TRH: variants seen among roughly 807,000 people sequenced by gnomAD.
TRH encodes TSH-releasing factor.
A neutral mutation model predicts 5.2 loss-of-function variants in TRH; 5 were observed. That is an observed-to-expected ratio of 0.95 (90% confidence interval 0.50 to 2.00). TRH has a LOEUF of 2.00. Among genes scored for constraint, TRH ranks in the 30% most tolerant of loss-of-function variants. TRH has a pLI of 0.01. For missense variants in TRH, 318 were observed against 312.8 expected (o/e 1.02, Z -0.13); for synonymous variants, 131 against 128.6 (o/e 1.02, Z -0.13).
chr3:129,976,027 G>A lies in TRH; in HGVS notation c.211G>A (p.Ala71Thr). The change falls in exon 2 of 3, where the codon GCG becomes ACG. Residue 71 changes from alanine (A) to threonine (T), a missense_variant and splice_region_variant. Physicochemically the swap from Ala to Thr is moderately conservative, Grantham distance 58 (BLOSUM62 0). Transcript: ENST00000302649. ...RLQGDQGEHSASQIFQSDWLS... is the reference protein window; with the variant it reads ...RLQGDQGEHSTSQIFQSDWLS... ...GCAAGGGGACCAGGGTGAGCACTCC[G>A]GTGAGTGGATGGGGCTGTTGGGGGC... 1 of 1,613,804 alleles carries A rather than the reference G, an allele frequency of 6.2e-7. No homozygotes were observed.
rs774840489 is a variant in TRH, at chr3:129,976,853, G to A, written c.366G>A (p.Glu122=). 2 of 1,613,634 alleles carry A rather than the reference G, an allele frequency of 1.2e-6. No homozygotes were observed. Among genetic ancestry groups the A allele is most frequent in the East Asian group, 4.5e-5 (2 of 44,844 alleles). Residue 122 remains glutamate (E), a synonymous_variant, in exon 3 of 3, where the codon GAG becomes GAA. Coordinates refer to ENST00000302649, the MANE Select transcript of TRH (RefSeq NM_007117.5). ...AGCACCCTGGCCGACGAGAAGATGA[G>A]GCTTCATGGTCAGTCGATGTAACCC... ...KRQHPGRRED[E]ASWSVDVTQH...
At position 129,977,171 on chromosome 3, in the gene TRH, C is replaced by T. The variant is rs766139181; in HGVS notation, c.684C>T (p.His228=). ...AGGGAGCTGAGGAAAAGCGGCAGCA[C>T]CCTGGTCGGCGGGCAGCCTGGGTCA... ...RSQGAEEKRQ[H]PGRRAAWVRE... Residue 228 remains histidine (H), a synonymous_variant, in exon 3 of 3, where the codon CAC becomes CAT. Transcript: ENST00000302649. The T allele has an allele frequency of 5.3e-6, 8 of 1,520,234 alleles. No individual in the cohort carries two copies. In the African/African-American group the frequency reaches 9.8e-5, roughly 19 times the overall value. 94.2% of individuals were successfully genotyped at this position (1,520,234 alleles called of 1,614,324 possible).
intron 1 of TRH, 69 bp from the exon 2 acceptor site, chr3:129,975,740 C>T (rs777612542): frequency 1.6e-5 from 23 of 1,438,894 alleles, no homozygotes; most frequent in Non-Finnish European, 2.1e-5. Flanking sequence ...TTCTGGCGGG[C>T]GTCGGGGGAG....
chr3:129,975,874 C>G lies in TRH; in HGVS notation c.58C>G (p.Pro20Ala). The G allele has an allele frequency of 2.5e-6, 4 of 1,612,828 alleles. No homozygotes were observed. Among genetic ancestry groups the G allele is most frequent in the Non-Finnish European group, 3.4e-6 (4 of 1,179,852 alleles). The change falls in exon 2 of 3, where the codon CCC (proline) becomes GCC (alanine). Residue 20 changes from proline to alanine, a missense_variant. Transcript: ENST00000302649. ...LALTLNLTGVPGGRAQPEAAQ... is the reference protein window; with the variant it reads ...LALTLNLTGVAGGRAQPEAAQ... ...TTTGACCCTGAACCTGACCGGTGTCCCCGGCGGCCGTGCTCAGCCAGAGGC... is the reference window on the plus strand; with the variant it reads ...TTTGACCCTGAACCTGACCGGTGTCGCCGGCGGCCGTGCTCAGCCAGAGGC...
At position 129,976,799 on chromosome 3, in the gene TRH, AG is replaced by A. The variant is rs770451471; in HGVS notation, c.319del (p.Ala107LeufsTer23). 1.2e-6 allele frequency: 2 copies of A among 1,613,102 alleles called. No homozygotes were observed. Among genetic ancestry groups the A allele is most frequent in the South Asian group, 1.1e-5 (1 of 90,928 alleles). On this transcript the variant is annotated frameshift_variant, in exon 3 of 3. Coordinates refer to ENST00000302649, the MANE Select transcript of TRH (RefSeq NM_007117.5). LOFTEE classifies it low-confidence loss of function (END_TRUNC). Reference sequence around the variant, plus strand: ...GAGTTGAAGAAGAGGAAGAGGAAGAAGGGGGGGCTGTGGGACCCCACAAACG... The same window carrying A: ...GAGTTGAAGAAGAGGAAGAGGAAGAAGGGGGGCTGTGGGACCCCACAAACG... ...EGVEEEEEEE[G>X]GAVGPHKRQH...
At position 129,976,007 on chromosome 3, in the gene TRH, G is replaced by A. The variant is rs1001423425; in HGVS notation, c.191G>A (p.Gly64Glu). 6.2e-7 allele frequency: 1 copy of A among 1,614,106 alleles called. No homozygotes were observed. Among genetic ancestry groups the A allele is most frequent in the African/African-American group, 1.3e-5 (1 of 75,072 alleles). ...FLRENIQRLQGDQGEHSASQI... is the reference protein window; with the variant it reads ...FLRENIQRLQEDQGEHSASQI... ...CGGGAAAACATCCAGCGGCTGCAAG[G>A]GGACCAGGGTGAGCACTCCGGTGAG... Residue 64 changes from glycine (G) to glutamate (E), a missense_variant, in exon 2 of 3, where the codon GGG (glycine) becomes GAG (glutamate). Physicochemically the swap from Gly to Glu is moderately conservative, Grantham distance 98 (BLOSUM62 -2). Coordinates refer to ENST00000302649, the MANE Select transcript of TRH (RefSeq NM_007117.5).
At chr3:129,976,481 A>G (rs1207126666) in intron 2 of TRH, among the ~76,000 whole-genome samples, 1 of 152,212 alleles carries the variant, frequency 6.6e-6, no homozygotes, top group Non-Finnish European at 1.5e-5. Flanking sequence ...TCAGACAACT[A>G]GGGAGCGCCA....
In TRH at chr3:129,977,662, CA is replaced by C. The variant is rs2062553920; in HGVS notation, c.*447del. On this transcript the variant is annotated 3_prime_UTR_variant, in exon 3 of 3. Transcript: ENST00000302649. Reference sequence around the variant, plus strand: ...CCCTCCCCAACCTGGCAGGATTCTCCATGTGTAAACTTCACCCCCAGGACCC... The same window carrying C: ...CCCTCCCCAACCTGGCAGGATTCTCCTGTGTAAACTTCACCCCCAGGACCC... The C allele has an allele frequency of 6.5e-6, 1 of 154,920 alleles. No homozygotes were observed. The highest frequency in any genetic ancestry group is 2.0e-4 in the South Asian group (1 of 4,892). 9.6% of individuals were successfully genotyped at this position (154,920 alleles called of 1,614,324 possible).
chr3:129,975,820 C>A lies in TRH; in HGVS notation c.4C>A (p.Pro2Thr). Residue 2 changes from proline to threonine, a missense_variant, in exon 2 of 3, where the codon CCC becomes ACC. Pro to Thr is a conservative substitution (Grantham distance 38). Transcript: ENST00000302649. ...GTCCCCTAACCCAGACGCCGCGATG[C>A]CCGGCCCTTGGTTGCTGCTCGCTCT... M[P>T]GPWLLLALAL... is the part of the protein sequence containing the mutation. 1.2e-6 allele frequency: 2 copies of A among 1,606,902 alleles called. No homozygotes were observed. Among genetic ancestry groups the A allele is most frequent in the Non-Finnish European group, 1.7e-6 (2 of 1,177,928 alleles).
intron 1 of TRH, 35 bp from the exon 2 acceptor site, chr3:129,975,774 C>T (rs760711756): frequency 2.6e-6 from 4 of 1,544,884 alleles, no homozygotes; most frequent in Non-Finnish European, 3.5e-6. Flanking sequence ...TGCTGTGATT[C>T]GGTGCGCTCA....
chr3:129,976,839 C>CGA lies in TRH; in HGVS notation c.353_354dup (p.Arg119AspfsTer12). 1 of 1,613,546 alleles carries CGA rather than the reference C, an allele frequency of 6.2e-7. No homozygotes were observed. The highest frequency in any genetic ancestry group is 8.5e-7 in the Non-Finnish European group (1 of 1,179,822). On this transcript the variant is annotated frameshift_variant, in exon 3 of 3. Transcript: ENST00000302649. LOFTEE classifies it low-confidence loss of function (END_TRUNC). ...ACCCCACAAACGGCAGCACCCTGGC[C>CGA]GACGAGAAGATGAGGCTTCATGGTC...
intron 2 of TRH, 36 bp downstream of exon 2, chr3:129,976,063 G>C: frequency 1.9e-6 from 3 of 1,599,990 alleles, no homozygotes; most frequent in Non-Finnish European, 2.6e-6. Context: ...TGTGGGGCTA[G>C]GCTATTGGGA....
chr3:129,976,718 T>C lies in TRH; in HGVS notation c.231T>C (p.Ser77=), dbSNP rs1577288762. The part of the protein sequence containing the change: ...GEHSASQIFQ[S]DWLSKRQHPG... Reference sequence around the variant, plus strand: ...CCCCAGCGTCCCAGATCTTTCAATCTGACTGGCTCTCCAAACGTCAGCATC... The same window carrying C: ...CCCCAGCGTCCCAGATCTTTCAATCCGACTGGCTCTCCAAACGTCAGCATC... Residue 77 remains serine, a synonymous_variant, in exon 3 of 3, where the codon TCT becomes TCC. Transcript: ENST00000302649. 1.9e-6 allele frequency: 3 copies of C among 1,613,086 alleles called. No homozygotes were observed. The East Asian group carries it at 6.7e-5, about 36-fold the overall frequency.
chr3:129,975,791 C>A lies in TRH; in HGVS notation c.-8-18C>A. 6.3e-7 allele frequency: 1 copy of A among 1,584,264 alleles called. No homozygotes were observed. The stretch of plus-strand genomic sequence containing the variant: ...CTGTGATTCGGTGCGCTCAGGCTCC[C>A]TCTGTCCCCTAACCCAGACGCCGCG... On this transcript the variant is annotated intron_variant, in intron 1 of 2. Coordinates refer to ENST00000302649, the MANE Select transcript of TRH (RefSeq NM_007117.5).
chr3:129,974,991 C>A (rs539249029), intron 1 of TRH, among the ~76,000 whole-genome samples, 168 bp downstream of exon 1: 1 of 152,108 alleles, frequency 6.6e-6, no homozygotes, highest in African/African-American at 2.4e-5. Flanking sequence ...GAGCGCAGGC[C>A]GGGGACCCGA....
Position 129,976,697 on chromosome 3 carries a change from A to T in TRH, c.212-2A>T. On this transcript the variant is annotated splice_acceptor_variant, in intron 2 of 2. Coordinates refer to ENST00000302649, the MANE Select transcript of TRH (RefSeq NM_007117.5). LOFTEE classifies it high-confidence loss of function. ...CCCTCACTGACCTCTTTCCTTCCCC[A>T]GCGTCCCAGATCTTTCAATCTGACT... 1 of 1,609,790 alleles carries T rather than the reference A, an allele frequency of 6.2e-7. No individual in the cohort carries two copies. Among genetic ancestry groups the T allele is most frequent in the Non-Finnish European group, 8.5e-7 (1 of 1,177,134 alleles).
In TRH at chr3:129,977,202, C is replaced by A. The variant is rs1464570454; in HGVS notation, c.715C>A (p.Pro239Thr). ...PGRRAAWVRE[P>T]LEE Reference sequence around the variant, plus strand: ...TCGGCGGGCAGCCTGGGTCAGAGAGCCCCTGGAGGAGTGAACCCAGTTTTC... The same window carrying A: ...TCGGCGGGCAGCCTGGGTCAGAGAGACCCTGGAGGAGTGAACCCAGTTTTC... The change falls in exon 3 of 3, where the codon CCC (proline) becomes ACC (threonine). Residue 239 changes from proline (P) to threonine (T), a missense_variant. Physicochemically the swap from Pro to Thr is conservative, Grantham distance 38. Coordinates refer to ENST00000302649, the MANE Select transcript of TRH (RefSeq NM_007117.5). 6.6e-7 allele frequency: 1 copy of A among 1,517,442 alleles called. No homozygotes were observed. The highest frequency in any genetic ancestry group is 2.3e-5 in the Admixed American group (1 of 44,014). The allele number at this position is 1,517,442 out of a possible 1,614,324, so 94.0% of individuals were successfully genotyped here.
Position 129,977,111 on chromosome 3 carries a change from T to C in TRH, c.624T>C (p.Leu208=), listed in dbSNP as rs5662. The part of the protein sequence containing the change: ...GPQGAYGQAG[L]LLGLLDDLSR... ...AGGGAGCCTATGGTCAAGCGGGCCT[T>C]CTGCTGGGGCTCCTGGATGACCTGA... Residue 208 remains leucine (L), a synonymous_variant, in exon 3 of 3, where the codon CTT becomes CTC. Transcript: ENST00000302649. 1,547,431 of 1,559,382 alleles carry C rather than the reference T, an allele frequency of 0.99. 768,447 individuals carry two copies. Among genetic ancestry groups the C allele is most frequent in the East Asian group, 1 (44,215 of 44,216 alleles).
Position 129,977,617 on chromosome 3 carries a change from G to C in TRH, c.*401G>C, listed in dbSNP as rs2062553678. 1 of 160,252 alleles carries C rather than the reference G, an allele frequency of 6.2e-6. No homozygotes were observed. The highest frequency in any genetic ancestry group is 6.3e-5 in the Admixed American group (1 of 15,808). The allele number at this position is 160,252 out of a possible 1,614,324, so 9.9% of individuals were successfully genotyped here. Reference sequence around the variant, plus strand: ...GGGTGGGGTGGGACTGAAGCGTTGTGTGCAAATCCAGCTTCCATCCCCTCC... The same window carrying C: ...GGGTGGGGTGGGACTGAAGCGTTGTCTGCAAATCCAGCTTCCATCCCCTCC... On this transcript the variant is annotated 3_prime_UTR_variant, in exon 3 of 3. Coordinates refer to ENST00000302649, the MANE Select transcript of TRH (RefSeq NM_007117.5).
Sources: allele counts gnomAD v4.1 joint callset (sites outside exome capture counted in the v4.1 genomes callset), GRCh38; gene constraint gnomAD v4.1.1; transcripts MANE v1.5; gene names NCBI Gene and HGNC (gene_info 2026-07-23, HGNC 2026-07-21).